The following TNRC6C variants were observed in gnomAD, a reference collection of about 807,000 sequenced individuals.
TNRC6C encodes the protein trinucleotide repeat-containing gene 6C protein.
A neutral mutation model predicts 153.7 loss-of-function variants in TNRC6C; 20 were observed. The observed-to-expected ratio is 0.13, with a 90% CI of 0.09 to 0.19. The LOEUF (loss-of-function observed/expected upper bound fraction) is 0.19. TNRC6C is among the 10% of genes least tolerant of loss of function. TNRC6C has a pLI of 1.00. For synonymous variants in TNRC6C, 811 were observed against 841.4 expected, an observed-to-expected ratio of 0.96 and a Z score of 0.63; for missense variants, 1,987 against 2,172.0, an observed-to-expected ratio of 0.91 and a Z score of 1.69.
Position 78,104,935 on chromosome 17 carries a change from G to T in TNRC6C, c.*90G>T, listed in dbSNP as rs2073665766. 1 of 1,366,878 alleles carries T rather than the reference G, an allele frequency of 7.3e-7. No homozygotes were observed. Among genetic ancestry groups the T allele is most frequent in the Admixed American group, 3.5e-5 (1 of 28,318 alleles). 84.7% of individuals were successfully genotyped at this position (1,366,878 alleles called of 1,614,324 possible). A position where few individuals can be genotyped will look rare whatever the true frequency, so the allele number is the denominator to read the frequency against. On this transcript the variant is annotated 3_prime_UTR_variant, in exon 20 of 20. Coordinates refer to ENST00000301624, the Ensembl canonical transcript of TNRC6C. The surrounding 1 kb of genome is among the most constrained non-coding windows in gnomAD (Gnocchi z 6.2). ...CACAGACCCGCTGGAACCCAGCAGC[G>T]GCCGCCCTTTTGAGTACCTCTGTCC...
intron 1 of TNRC6C, among the ~76,000 whole-genome samples, chr17:77,984,901 C>G (rs1226909575): frequency 6.6e-6 from 1 of 152,190 alleles, no homozygotes; most frequent in Non-Finnish European, 1.5e-5. Context: ...TTTGCTCTCT[C>G]TGGACCCCAT....
At chr17:77,984,318 G>A (rs115127296) in intron 1 of TNRC6C, among the ~76,000 whole-genome samples, 1 of 150,792 alleles carries the variant, frequency 6.6e-6, no homozygotes, top group African/African-American at 2.4e-5. Context: ...AGGAGTTTGA[G>A]GCCAGACTGG....
At chr17:78,023,676 C>T (rs942380550) in intron 1 of TNRC6C, among the ~76,000 whole-genome samples, 12 of 151,870 alleles carry the variant, frequency 7.9e-5, no homozygotes, top group African/African-American at 2.9e-4. Context: ...CATGGTGATA[C>T]ACATCTGTCG....
upstream of TNRC6C, among the ~76,000 whole-genome samples, chr17:77,958,447 G>A (rs536632208): frequency 7.1e-3 from 1,078 of 152,128 alleles, 3 homozygotes; most frequent in Non-Finnish European, 0.012. Flanking sequence ...CGCGGTGCAG[G>A]GAACCACAGC....
intron 1 of TNRC6C, among the ~76,000 whole-genome samples, chr17:77,966,919 A>C (rs1407661976): frequency 6.6e-6 from 1 of 152,216 alleles, no homozygotes; most frequent in Admixed American, 6.5e-5. Flanking sequence ...GAAGCATAAG[A>C]TCAAATCATT....
chr17:78,050,056 A>G (rs1358680976), exon 3 of TNRC6C: 1 of 1,611,194 alleles, frequency 6.2e-7, no homozygotes. Flanking sequence ...GGGCCACCCC[A>G]GCCGAAGCAC....
At chr17:77,963,210 C>G (rs2070874397) in intron 1 of TNRC6C, among the ~76,000 whole-genome samples, 1 of 152,132 alleles carries the variant, frequency 6.6e-6, no homozygotes, top group Non-Finnish European at 1.5e-5. Flanking sequence ...GGTTACTTGT[C>G]AGAAATAACT....
At chr17:78,068,043 C>T in intron 5 of TNRC6C, 120 bp downstream of exon 7, 1 of 1,199,794 alleles carries the variant, frequency 8.3e-7, no homozygotes, top group Non-Finnish European at 1.1e-6. Context: ...GTCTTAGGAC[C>T]CTTGGAGGTC....
intron 1 of TNRC6C, among the ~76,000 whole-genome samples, chr17:77,992,654 T>G (rs909881029): frequency 5.9e-5 from 9 of 152,274 alleles, no homozygotes; most frequent in African/African-American, 2.2e-4. Context: ...AGAAGATGAT[T>G]TAATAAAGCC....
chr17:77,961,654 G>C lies in TNRC6C; in HGVS notation c.-38+2386G>C, dbSNP rs542612613. On this transcript the variant is annotated intron_variant, in intron 1 of 22. Transcript: ENST00000636222. ...CGAGGGTGGGTTTCGAGTAGCATAT[G>C]TCTTAACACTAACATCATTTCGAAA... Among the ~76,000 whole-genome samples, 3 of 152,268 alleles carry C rather than the reference G, an allele frequency of 2.0e-5. No individual in the cohort carries two copies. In the East Asian group the frequency reaches 5.8e-4, roughly 29 times the overall value.
At chr17:78,096,797 C>T (rs1170191391) in intron 16 of TNRC6C, among the ~76,000 whole-genome samples, 1 of 152,222 alleles carries the variant, frequency 6.6e-6, no homozygotes, top group Admixed American at 6.5e-5. Flanking sequence ...CCTCGCTCTT[C>T]TTCTCCAGCT....
intron 1 of TNRC6C, among the ~76,000 whole-genome samples, chr17:78,009,532 C>T (rs2071585696): frequency 6.6e-6 from 1 of 152,116 alleles, no homozygotes; most frequent in Admixed American, 6.6e-5. Context: ...CATTATGGTT[C>T]ATGGTCCATA....
chr17:78,002,311 C>G (rs912100974), upstream of TNRC6C, among the ~76,000 whole-genome samples: 1 of 151,960 alleles, frequency 6.6e-6, no homozygotes. Context: ...TTCTCAGGGC[C>G]GCAGAGAAAG....
At chr17:77,963,837 T>G (rs2144032212) in intron 1 of TNRC6C, among the ~76,000 whole-genome samples, 1 of 152,358 alleles carries the variant, frequency 6.6e-6, no homozygotes, top group African/African-American at 2.4e-5. Flanking sequence ...TGATTAAGGA[T>G]GAGCAATAAT....
chr17:78,024,816 A>G (rs2071905478), intron 1 of TNRC6C, among the ~76,000 whole-genome samples: 3 of 149,712 alleles, frequency 2.0e-5, no homozygotes, highest in African/African-American at 7.4e-5. Flanking sequence ...TTTTTTTAGG[A>G]CAGAGTCTTG....
chr17:77,980,368 G>A (rs757396119), intron 1 of TNRC6C, among the ~76,000 whole-genome samples: 4 of 152,074 alleles, frequency 2.6e-5, no homozygotes, highest in African/African-American at 7.2e-5. Context: ...ATTTTTCCTC[G>A]GCTCTCACTC....
intron 1 of TNRC6C, among the ~76,000 whole-genome samples, chr17:78,019,517 G>A (rs2071793097): frequency 6.6e-6 from 1 of 152,158 alleles, no homozygotes; most frequent in Admixed American, 6.5e-5. Flanking sequence ...TGTTTTAAAA[G>A]ACTGTTGCTT....
At chr17:77,997,144 TG>T (rs2071341190) in intron 1 of TNRC6C, among the ~76,000 whole-genome samples, 7 of 152,268 alleles carry the variant, frequency 4.6e-5, no homozygotes, top group Admixed American at 3.3e-4. Context: ...TTAAGAAGCG[TG>T]GTCAGTTCAG....
chr17:78,094,838 G>A (rs933108001), intron 16 of TNRC6C, among the ~76,000 whole-genome samples: 19 of 152,232 alleles, frequency 1.2e-4, no homozygotes, highest in Non-Finnish European at 2.1e-4. Context: ...TTAATGCTGT[G>A]TATTCCTTGG....
Sources: allele counts gnomAD v4.1 joint callset (sites outside exome capture counted in the v4.1 genomes callset), GRCh38; gene constraint gnomAD v4.1.1; non-coding constraint Gnocchi (gnomAD v3.1); transcripts MANE v1.5; gene names NCBI Gene and HGNC (gene_info 2026-07-23, HGNC 2026-07-21).